The following CADM1 variants were observed in gnomAD, a reference collection of about 807,000 sequenced individuals.
The protein encoded by CADM1 is cell adhesion molecule 1, also known as TSLC-1.
In CADM1, 15 loss-of-function variants were observed where a neutral mutation model predicts 53.1. The ratio of observed to expected loss-of-function variants is 0.28; its 90% CI spans 0.19 to 0.44. The LOEUF is 0.44. CADM1 is among the 20% of genes least tolerant of loss of function. The pLI is 1.00. For missense variants in CADM1, 434 were observed against 611.3 expected, an observed-to-expected ratio of 0.71 and a Z score of 3.06; for synonymous variants, 281 against 243.0, an observed-to-expected ratio of 1.16 and a Z score of -1.45.
intron 1 of CADM1, among the ~76,000 whole-genome samples, chr11:115,477,458 A>T (rs1949160741): frequency 6.6e-6 from 1 of 152,234 alleles, no homozygotes; most frequent in African/African-American, 2.4e-5. Context: ...TTAAAAATGT[A>T]AGCCTGTTTT....
intron 1 of CADM1, among the ~76,000 whole-genome samples, chr11:115,383,784 C>T (rs1591766051): frequency 6.6e-6 from 1 of 152,278 alleles, no homozygotes; most frequent in Middle Eastern, 3.4e-3. Flanking sequence ...TTATTAAAAT[C>T]CCCTGTCTTC....
chr11:115,468,808 T>A (rs1296249646), intron 1 of CADM1, among the ~76,000 whole-genome samples: 2 of 152,094 alleles, frequency 1.3e-5, no homozygotes, highest in Admixed American at 1.3e-4. Context: ...AGGTAATTTA[T>A]AAAGAAAAAG....
chr11:115,374,477 G>A (rs1946389066), intron 1 of CADM1, among the ~76,000 whole-genome samples: 1 of 152,144 alleles, frequency 6.6e-6, no homozygotes, highest in East Asian at 1.9e-4. Flanking sequence ...ATGATAAGGG[G>A]AAGTTTCTCT....
intron 1 of CADM1, among the ~76,000 whole-genome samples, chr11:115,328,493 T>C (rs1945018276): frequency 6.6e-6 from 1 of 151,276 alleles, no homozygotes; most frequent in African/African-American, 2.4e-5. Flanking sequence ...GTGCCTACCA[T>C]GCACCATGAC....
At chr11:115,434,014 A>C (rs1316122007) in intron 1 of CADM1, among the ~76,000 whole-genome samples, 1 of 152,178 alleles carries the variant, frequency 6.6e-6, no homozygotes, top group Non-Finnish European at 1.5e-5. Flanking sequence ...AGATCTTTTA[A>C]GTTTATGTAA....
chr11:115,393,439 A>G (rs1946896498), intron 1 of CADM1, among the ~76,000 whole-genome samples: 1 of 151,962 alleles, frequency 6.6e-6, no homozygotes. Context: ...TGAAGGAAAG[A>G]AAGACTTAAT....
At chr11:115,404,067 T>TG (rs1340369192) in intron 1 of CADM1, among the ~76,000 whole-genome samples, 2 of 150,740 alleles carry the variant, frequency 1.3e-5, no homozygotes, top group African/African-American at 4.9e-5. Context: ...TGCTCACGCC[T>TG]GTAATCCCAA....
At chr11:115,358,573 G>T (rs1189448290) in intron 1 of CADM1, among the ~76,000 whole-genome samples, 1 of 152,086 alleles carries the variant, frequency 6.6e-6, no homozygotes, top group African/African-American at 2.4e-5. Context: ...GGGAATTACG[G>T]GAGCTACGAT....
chr11:115,352,449 A>T (rs756507837), intron 1 of CADM1, among the ~76,000 whole-genome samples: 12 of 152,208 alleles, frequency 7.9e-5, no homozygotes, highest in Admixed American at 3.3e-4. Flanking sequence ...TAACACATCT[A>T]AACTGATATT....
chr11:115,192,305 A>C (rs910345709), intron 9 of CADM1, among the ~76,000 whole-genome samples: 1 of 152,200 alleles, frequency 6.6e-6, no homozygotes, highest in Admixed American at 6.5e-5. Flanking sequence ...CTAATAGTTA[A>C]CAGCAGGTGC....
intron 1 of CADM1, among the ~76,000 whole-genome samples, chr11:115,445,527 G>A (rs771351576): frequency 4.0e-5 from 6 of 151,826 alleles, no homozygotes; most frequent in African/African-American, 7.3e-5. Context: ...TCAAAGAACC[G>A]TGTAGCCCGA....
At chr11:115,433,131 C>G (rs914301402) in intron 1 of CADM1, among the ~76,000 whole-genome samples, 3 of 152,112 alleles carry the variant, frequency 2.0e-5, no homozygotes, top group East Asian at 1.9e-4. Flanking sequence ...GACCACCCCC[C>G]CACCCAAACA....
chr11:115,344,168 A>T (rs1174533883), intron 1 of CADM1, among the ~76,000 whole-genome samples: 1 of 131,528 alleles, frequency 7.6e-6, no homozygotes, highest in Non-Finnish European at 1.6e-5. Flanking sequence ...TGGACACAGA[A>T]TTCAAGTTGA....
intron 1 of CADM1, among the ~76,000 whole-genome samples, chr11:115,262,320 A>G (rs1943000388): frequency 6.6e-6 from 1 of 152,212 alleles, no homozygotes; most frequent in Non-Finnish European, 1.5e-5. Context: ...GGCATTTAGA[A>G]TCTAAAAGGA....
rs555122545 is a variant in CADM1 at position 115,468,627 on chromosome 11, G to A, written c.124+35644C>T. Among the ~76,000 whole-genome samples the A allele has an allele frequency of 2.0e-5, 3 of 152,272 alleles. No homozygotes were observed. In the South Asian group the frequency reaches 6.2e-4, roughly 32 times the overall value. ...AATGGAAGGGGGACAGCACCTTACT[G>A]TAGTTTTGTGGGTTTTGAGTTTTTA... On this transcript the variant is annotated intron_variant, in intron 1 of 11. Coordinates refer to ENST00000331581, the MANE Select transcript of CADM1 (RefSeq NM_001301043.2).
intron 1 of CADM1, among the ~76,000 whole-genome samples, chr11:115,364,695 C>T (rs191660880): frequency 6.6e-6 from 1 of 152,250 alleles, no homozygotes; most frequent in Admixed American, 6.5e-5. Flanking sequence ...ACACTTAAGT[C>T]GTTGACAGTT....
Position 115,404,765 on chromosome 11 carries a change from C to T in CADM1, c.124+99506G>A, listed in dbSNP as rs561921627. Among the ~76,000 whole-genome samples, 8 of 142,224 alleles carry T rather than the reference C, an allele frequency of 5.6e-5. No individual in the cohort carries two copies. The South Asian group carries it at 1.2e-3, about 21-fold the overall frequency. The allele number at this position is 142,224 out of a possible 152,430, so 93.3% of individuals were successfully genotyped here. ...CTCAGTTATTTGGGAGGCTGAGTTGCGGGGATCACTTGAGCCCCCGAGGTC... is the reference window on the plus strand; with the variant it reads ...CTCAGTTATTTGGGAGGCTGAGTTGTGGGGATCACTTGAGCCCCCGAGGTC... On this transcript the variant is annotated intron_variant, in intron 1 of 11. Coordinates refer to ENST00000331581, the MANE Select transcript of CADM1 (RefSeq NM_001301043.2).
At chr11:115,323,603 G>T (rs777082286) in intron 1 of CADM1, among the ~76,000 whole-genome samples, 2 of 152,154 alleles carry the variant, frequency 1.3e-5, no homozygotes, top group Non-Finnish European at 2.9e-5. Context: ...TCAAGATGAT[G>T]AAATGATGGT....
intron 1 of CADM1, among the ~76,000 whole-genome samples, chr11:115,255,103 G>C (rs1383439749): frequency 6.6e-6 from 1 of 152,090 alleles, no homozygotes; most frequent in Non-Finnish European, 1.5e-5. Context: ...AGCAGGAGTC[G>C]AGAATACTTC....
Sources: gnomAD v4.1 joint callset for allele counts (sites outside exome capture counted in the v4.1 genomes callset) on GRCh38, gnomAD v4.1.1 for gene constraint, MANE v1.5 for transcripts, NCBI Gene and HGNC (gene_info 2026-07-23, HGNC 2026-07-21) for gene names.